Variants in SH3RF1 observed in about 807,000 individuals in gnomAD.
The protein encoded by SH3RF1 is SH3 domain containing ring finger 1.
In SH3RF1, 32 loss-of-function variants were observed where a neutral mutation model predicts 74.0. That is an observed-to-expected ratio of 0.43 (90% CI 0.33 to 0.58). The LOEUF (loss-of-function observed/expected upper bound fraction) is 0.58, where lower values mean the gene tolerates loss of function less well. Ranked by LOEUF, SH3RF1 falls within the 20% of genes least tolerant of loss-of-function variation. The pLI, the probability that SH3RF1 is intolerant of heterozygous loss-of-function variation, is 0.05. For missense variants in SH3RF1, 954 were observed against 1,130.9 expected, an observed-to-expected ratio of 0.84 and a Z score of 2.24; for synonymous variants, 396 against 439.6, an observed-to-expected ratio of 0.90 and a Z score of 1.24.
At position 169,117,655 on chromosome 4, in the gene SH3RF1, C is replaced by A. The variant is rs1249675082; in HGVS notation, c.1645G>T (p.Ala549Ser). The A allele has an allele frequency of 6.2e-7, 1 of 1,614,224 alleles. No individual in the cohort carries two copies. Among genetic ancestry groups the A allele is most frequent in the East Asian group, 2.2e-5 (1 of 44,876 alleles). Residue 549 changes from alanine (A) to serine (S), a missense_variant, in exon 9 of 12, where the codon GCT becomes TCT. Physicochemically the swap from Ala to Ser is moderately conservative, Grantham distance 99. Coordinates refer to ENST00000284637, the MANE Select transcript of SH3RF1 (RefSeq NM_020870.4). The part of the protein sequence containing the change: ...PAQKLQGNGV[A>S]GSPSVVPAAV... ...GCGGGGACAACACTGGGACTCCCAG[C>A]CACGCCATTTCCCTGGAGCTTCTGG...
In SH3RF1 at chr4:169,122,118, G is replaced by A. The variant is rs765883624; in HGVS notation, c.1328C>T (p.Pro443Leu). The stretch of plus-strand genomic sequence containing the variant: ...CACTTACACACTGGGGCGAGTCTGC[G>A]GCCGTAAATGTGCAATCTGGTCAGT... ...GSTDQIAHLR[P>L]QTRPSVYVAI... The change falls in exon 7 of 12, where the codon CCG becomes CTG. Residue 443 changes from proline to leucine, a missense_variant. Transcript: ENST00000284637. 13 of 1,612,488 alleles carry A rather than the reference G, an allele frequency of 8.1e-6. No homozygotes were observed. The East Asian group carries it at 8.9e-5, about 11-fold the overall frequency.
At chr4:169,216,826 C>T (rs1456753655) in intron 2 of SH3RF1, among the ~76,000 whole-genome samples, 2 of 151,946 alleles carry the variant, frequency 1.3e-5, no homozygotes, top group Non-Finnish European at 2.9e-5. Flanking sequence ...GTACCTCATG[C>T]AGTACACTTC....
chr4:169,106,869 A>C lies in SH3RF1; in HGVS notation c.2476T>G (p.Ser826Ala), dbSNP rs755492985. 2 of 1,610,078 alleles carry C rather than the reference A, an allele frequency of 1.2e-6. No individual in the cohort carries two copies. Among genetic ancestry groups the C allele is most frequent in the South Asian group, 2.2e-5 (2 of 90,662 alleles). ...TACCTTTCACAAACGACAGGTCTAG[A>C]CTCATTCAAGACAGGACCCAGGGAG... ...CSSLGPVLNE[S>A]RPVVCERHRV... Residue 826 changes from serine (S) to alanine (A), a missense_variant, in exon 11 of 12, where the codon TCT becomes GCT. Around this residue, in one of 3 missense-constraint regions of SH3RF1, gnomAD observed 854 missense variants for 962.5 expected, o/e 0.89. Transcript: ENST00000284637.
intron 2 of SH3RF1, among the ~76,000 whole-genome samples, chr4:169,249,596 A>C (rs1325303060): frequency 6.6e-6 from 1 of 152,262 alleles, no homozygotes. Flanking sequence ...TGGAAAGCAG[A>C]TTATGTACCA....
chr4:169,146,969 G>A lies in SH3RF1; in HGVS notation c.765+8511C>T, dbSNP rs74793126. 1.4e-4 allele frequency among the ~76,000 whole-genome samples: 22 copies of A among 152,280 alleles called. No individual in the cohort carries two copies. The East Asian group carries it at 3.9e-3, about 27-fold the overall frequency. ...AAAACCCTTCCCAACTGTGAACAGT[G>A]AATGTGCATACAAATTTAAAAGTTC... On this transcript the variant is annotated intron_variant, in intron 4 of 11. Coordinates refer to ENST00000284637, the MANE Select transcript of SH3RF1 (RefSeq NM_020870.4).
In SH3RF1 at chr4:169,096,565, T is replaced by C. The variant is rs750217579; in HGVS notation, c.2621A>G (p.Asn874Ser). 5 of 1,614,152 alleles carry C rather than the reference T, an allele frequency of 3.1e-6. No homozygotes were observed. Among genetic ancestry groups the C allele is most frequent in the South Asian group, 2.2e-5 (2 of 91,060 alleles). The change falls in exon 12 of 12, where the codon AAT becomes AGT. Residue 874 changes from asparagine (N) to serine (S), a missense_variant. Asn to Ser is a conservative substitution (Grantham distance 46, BLOSUM62 1). Around this residue, in one of 3 missense-constraint regions of SH3RF1, gnomAD observed 36 missense variants for 66.5 expected, o/e 0.54. Coordinates refer to ENST00000284637, the MANE Select transcript of SH3RF1 (RefSeq NM_020870.4). The stretch of plus-strand genomic sequence containing the variant: ...TCCTGGGAAAAGGCCAGTTTTCCCA[T>C]TACGTTGTAATGTGCCTTTGAACCA... ...DGWFKGTLQR[N>S]GKTGLFPGSF... is the part of the protein sequence containing the mutation.
chr4:169,250,128 GA>G (rs1731076255), intron 2 of SH3RF1, among the ~76,000 whole-genome samples: 1 of 152,176 alleles, frequency 6.6e-6, no homozygotes, highest in African/African-American at 2.4e-5. Flanking sequence ...GTTAAGCATA[GA>G]AATTTGCAGA....
At chr4:169,170,043 A>G (rs931538930) in intron 2 of SH3RF1, among the ~76,000 whole-genome samples, 1 of 152,156 alleles carries the variant, frequency 6.6e-6, no homozygotes, top group African/African-American at 2.4e-5. Context: ...TAGATAGATT[A>G]ATGGGCAGTT....
intron 2 of SH3RF1, among the ~76,000 whole-genome samples, chr4:169,248,929 C>T (rs191064592): frequency 6.6e-6 from 1 of 152,274 alleles, no homozygotes. Context: ...GAAGTAGGGC[C>T]TTTAAGAGGC....
chr4:169,117,734 G>A lies in SH3RF1; in HGVS notation c.1566C>T (p.Gly522=). 1 of 1,614,112 alleles carries A rather than the reference G, an allele frequency of 6.2e-7. No individual in the cohort carries two copies. The highest frequency in any genetic ancestry group is 1.1e-5 in the South Asian group (1 of 91,088). The change falls in exon 9 of 12, where the codon GGC becomes GGT. Residue 522 remains glycine (G), a synonymous_variant. Coordinates refer to ENST00000284637, the MANE Select transcript of SH3RF1 (RefSeq NM_020870.4). ...CCATGGTCACTCCCCGACTTGTCTG[G>A]CCAGCTGTAGACATAGGGACTTTAG... The part of the protein sequence containing the change: ...SQAKVPMSTA[G]QTSRGVTMVS...
intron 10 of SH3RF1, among the ~76,000 whole-genome samples, chr4:169,114,212 G>A (rs974194497): frequency 2.0e-4 from 31 of 152,292 alleles, no homozygotes; most frequent in Middle Eastern, 3.4e-3. Flanking sequence ...GGAGGCCACT[G>A]GGGAAGAATC....
At position 169,120,950 on chromosome 4, in the gene SH3RF1, A is replaced by T; in HGVS notation, c.1386T>A (p.Asp462Glu). 2 of 1,614,158 alleles carry T rather than the reference A, an allele frequency of 1.2e-6. No individual in the cohort carries two copies. The highest frequency in any genetic ancestry group is 2.2e-5 in the East Asian group (1 of 44,874). The change falls in exon 8 of 12, where the codon GAT (aspartate) becomes GAA (glutamate). Residue 462 changes from aspartate (D) to glutamate (E), a missense_variant. Asp to Glu is a conservative substitution (Grantham distance 45). This residue lies in a region of SH3RF1 where 854 missense variants were observed against 962.5 expected (regional missense o/e 0.89). Coordinates refer to ENST00000284637, the MANE Select transcript of SH3RF1 (RefSeq NM_020870.4). The stretch of plus-strand genomic sequence containing the variant: ...TCTCCCCTTTTCTCAGCTCTAGTTC[A>T]TCCTCTTTCCGAGGAGTGTATGGAT... ...AIYPYTPRKE[D>E]ELELRKGEMF...
At chr4:169,262,844 C>T (rs954938334) in intron 2 of SH3RF1, among the ~76,000 whole-genome samples, 1 of 152,124 alleles carries the variant, frequency 6.6e-6, no homozygotes, top group Non-Finnish European at 1.5e-5. Flanking sequence ...CTACCCTGTT[C>T]AAGATCTCAT....
In SH3RF1 at chr4:169,096,639, T is replaced by G; in HGVS notation, c.2547A>C (p.Glu849Asp). Residue 849 changes from glutamate to aspartate, a missense_variant, in exon 12 of 12, where the codon GAA becomes GAC. By Grantham distance (45) the Glu-to-Asp change is conservative. This residue lies in a region of SH3RF1 where 36 missense variants were observed against 66.5 expected (regional missense o/e 0.54). Coordinates refer to ENST00000284637, the MANE Select transcript of SH3RF1 (RefSeq NM_020870.4). ...SYPPQSEAEL[E>D]LKEGDIVFVH... ...CAAACACAATATCTCCTTCTTTAAG[T>G]TCAAGTTCTGCCTCACTCTGAGGAG... The G allele has an allele frequency of 6.2e-7, 1 of 1,614,130 alleles. No homozygotes were observed. The highest frequency in any genetic ancestry group is 8.5e-7 in the Non-Finnish European group (1 of 1,180,018).
intron 2 of SH3RF1, among the ~76,000 whole-genome samples, chr4:169,232,119 C>A (rs1017936267): frequency 1.3e-5 from 2 of 152,154 alleles, no homozygotes; most frequent in African/African-American, 4.8e-5. Flanking sequence ...ATTTTAAACA[C>A]TGGATGGCCA....
At chr4:169,183,283 G>A (rs1024605903) in intron 2 of SH3RF1, among the ~76,000 whole-genome samples, 2 of 152,304 alleles carry the variant, frequency 1.3e-5, no homozygotes, top group Non-Finnish European at 2.9e-5. Context: ...CTGGGCAACA[G>A]AGCAAGACTT....
chr4:169,200,407 T>C (rs890110332), intron 2 of SH3RF1, among the ~76,000 whole-genome samples: 3 of 152,108 alleles, frequency 2.0e-5, no homozygotes, highest in Non-Finnish European at 4.4e-5. Flanking sequence ...AAATCAATTA[T>C]ATAAAAATAA....
At chr4:169,238,657 T>C (rs2127011472) in intron 2 of SH3RF1, among the ~76,000 whole-genome samples, 1 of 152,358 alleles carries the variant, frequency 6.6e-6, no homozygotes. Flanking sequence ...ATCTGGCACA[T>C]ACCAGCCAAC....
chr4:169,110,272 A>C (rs975052245), intron 10 of SH3RF1, among the ~76,000 whole-genome samples: 3 of 147,064 alleles, frequency 2.0e-5, no homozygotes, highest in African/African-American at 7.6e-5. Flanking sequence ...AGGATCACTT[A>C]AGACCAGGAG....
Sources: gnomAD v4.1 joint callset for allele counts (sites outside exome capture counted in the v4.1 genomes callset) on GRCh38, gnomAD v4.1.1 for gene constraint, gnomAD v4.1.1 regional missense constraint, MANE v1.5 for transcripts, NCBI Gene and HGNC (gene_info 2026-07-23, HGNC 2026-07-21) for gene names.